Variants in DDX60L observed in about 807,000 individuals in gnomAD.
DDX60L encodes the protein probable ATP-dependent RNA helicase DDX60-like.
In DDX60L, 191 loss-of-function variants were observed where a neutral mutation model predicts 211.6. The observed-to-expected ratio is 0.90, with a 90% CI of 0.80 to 1.02. The LOEUF is 1.02. Among genes scored for constraint, DDX60L ranks in the 50% least tolerant of loss-of-function variants. The pLI is 0.00. For synonymous variants in DDX60L, 706 were observed against 694.1 expected, an observed-to-expected ratio of 1.02 and a Z score of -0.27; for missense variants, 2,007 against 1,984.1, an observed-to-expected ratio of 1.01 and a Z score of -0.22.
At position 168,406,546 on chromosome 4, in the gene DDX60L, T is replaced by C. The variant is rs147623776; in HGVS notation, c.3084+56A>G. The stretch of plus-strand genomic sequence containing the variant: ...TTACCTGTAGAGTAATTTTGCTATA[T>C]TCTGGAATAGCATTAACTAAAGTTC... On this transcript the variant is annotated intron_variant, in intron 23 of 37. Transcript: ENST00000682922. 948 of 1,306,578 alleles carry C rather than the reference T, an allele frequency of 7.3e-4. 1 individual carries two copies. Among genetic ancestry groups the C allele is most frequent in the Non-Finnish European group, 9.2e-4 (857 of 929,486 alleles). The allele number at this position is 1,306,578 out of a possible 1,614,324, so 80.9% of individuals were successfully genotyped here.
intron 30 of DDX60L, among the ~76,000 whole-genome samples, chr4:168,381,810 T>C (rs948982675): frequency 6.6e-6 from 1 of 152,110 alleles, no homozygotes; most frequent in Non-Finnish European, 1.5e-5. Flanking sequence ...CCAGGTTAAA[T>C]TGTCCTTACT....
intron 9 of DDX60L, among the ~76,000 whole-genome samples, chr4:168,446,348 G>A (rs1754791803): frequency 6.6e-6 from 1 of 152,112 alleles, no homozygotes; most frequent in Non-Finnish European, 1.5e-5. Flanking sequence ...TCTTCAAGGA[G>A]AACTACAAAC....
intron 37 of DDX60L, 78 bp from the exon 38 acceptor site, chr4:168,358,354 G>T: frequency 9.1e-7 from 1 of 1,096,682 alleles, no homozygotes. Context: ...AAGGTTAGCA[G>T]AAGTAATTCC....
rs1180773279 is a variant in DDX60L at position 168,427,050 on chromosome 4, T to C, written c.1930+20A>G. 6.3e-7 allele frequency: 1 copy of C among 1,582,060 alleles called. No homozygotes were observed. Among genetic ancestry groups the C allele is most frequent in the East Asian group, 2.3e-5 (1 of 44,366 alleles). On this transcript the variant is annotated intron_variant, in intron 14 of 37. Coordinates refer to ENST00000682922, the MANE Select transcript of DDX60L (RefSeq NM_001012967.3). Reference sequence around the variant, plus strand: ...TATTTTCATCACTACTCTTTATCCATAGAGTATGGAGTCCCATACCTTCAC... The same window carrying C: ...TATTTTCATCACTACTCTTTATCCACAGAGTATGGAGTCCCATACCTTCAC...
At chr4:168,397,679 T>C (rs1168036222) in intron 26 of DDX60L, among the ~76,000 whole-genome samples, 1 of 152,190 alleles carries the variant, frequency 6.6e-6, no homozygotes, top group African/African-American at 2.4e-5. Context: ...GAACTTTGTA[T>C]GTACGACAAT....
chr4:168,433,246 T>G lies in DDX60L; in HGVS notation c.1295-131A>C, dbSNP rs1393568656. The G allele has an allele frequency of 1.1e-5, 7 of 614,296 alleles. No individual in the cohort carries two copies. The East Asian group carries it at 2.0e-4, about 18-fold the overall frequency. The allele number at this position is 614,296 out of a possible 1,614,324, so 38.1% of individuals were successfully genotyped here. ...TTACTAATGTTTACCAAGTTAGAGCTTCCAAATGAGATATTCCTCAAAGCA... is the reference window on the plus strand; with the variant it reads ...TTACTAATGTTTACCAAGTTAGAGCGTCCAAATGAGATATTCCTCAAAGCA... On this transcript the variant is annotated intron_variant, in intron 10 of 37. Coordinates refer to ENST00000682922, the MANE Select transcript of DDX60L (RefSeq NM_001012967.3).
At chr4:168,453,369 CAA>C in intron 7 of DDX60L, 87 bp from the exon 8 acceptor site, 1 of 1,339,538 alleles carries the variant, frequency 7.5e-7, no homozygotes, top group Non-Finnish European at 1.0e-6. Context: ...ATCATATCTT[CAA>C]AGTTTTACAT....
chr4:168,429,823 G>A (rs1451321110), intron 13 of DDX60L, among the ~76,000 whole-genome samples: 1 of 152,190 alleles, frequency 6.6e-6, no homozygotes, highest in African/African-American at 2.4e-5. Context: ...TTGTTTAAAA[G>A]TATGTAGCAC....
At chr4:168,402,425 TAA>T (rs1302320964) in intron 25 of DDX60L, among the ~76,000 whole-genome samples, 2 of 143,080 alleles carry the variant, frequency 1.4e-5, no homozygotes, top group Non-Finnish European at 1.5e-5. Flanking sequence ...GAGTCCAGTG[TAA>T]AAAAAAAAAA....
chr4:168,368,477 G>T (rs532598541), intron 36 of DDX60L, among the ~76,000 whole-genome samples: 94 of 152,368 alleles, frequency 6.2e-4, no homozygotes, highest in African/African-American at 2.2e-3. Context: ...CAGGAGCAGG[G>T]CCCCCATGGA....
chr4:168,419,657 ACAAT>A lies in DDX60L; in HGVS notation c.2515-264_2515-261del, dbSNP rs377603923. Among the ~76,000 whole-genome samples, 249 of 152,328 alleles carry A rather than the reference ACAAT, an allele frequency of 1.6e-3. 6 individuals are homozygous for A. The South Asian group carries it at 0.049, about 30-fold the overall frequency. The stretch of plus-strand genomic sequence containing the variant: ...CTACTTTGTGAATTCAATAAGGGAG[ACAAT>A]CTATCTTAATCTATGATTTACCTAT... On this transcript the variant is annotated intron_variant, in intron 18 of 37. Transcript: ENST00000682922.
chr4:168,406,709 G>A lies in DDX60L; in HGVS notation c.2980-3C>T, dbSNP rs544760046. The A allele has an allele frequency of 1.2e-4, 185 of 1,554,588 alleles. 5 individuals carry two copies. In the South Asian group the frequency reaches 2.1e-3, roughly 17 times the overall value. Reference sequence around the variant, plus strand: ...GGTGGGAATCCATACTTTTCAATCTGTGAATAAACAAATTAATGGATGGAT... The same window carrying A: ...GGTGGGAATCCATACTTTTCAATCTATGAATAAACAAATTAATGGATGGAT... On this transcript the variant is annotated splice_polypyrimidine_tract_variant and splice_region_variant and intron_variant, in intron 22 of 37. Transcript: ENST00000682922.
chr4:168,395,355 T>C, intron 27 of DDX60L, among the ~76,000 whole-genome samples: 1 of 152,222 alleles, frequency 6.6e-6, no homozygotes, highest in South Asian at 2.1e-4. Context: ...CCTTATTTTA[T>C]TAACGAATAA....
chr4:168,431,413 C>T (rs1328376803), intron 12 of DDX60L, among the ~76,000 whole-genome samples: 1 of 152,148 alleles, frequency 6.6e-6, no homozygotes, highest in East Asian at 1.9e-4. Context: ...TTCGTAGACA[C>T]TTACATAAAT....
intron 29 of DDX60L, among the ~76,000 whole-genome samples, chr4:168,389,454 T>C (rs1744432870): frequency 6.6e-6 from 1 of 152,212 alleles, no homozygotes; most frequent in Non-Finnish European, 1.5e-5. Context: ...TATTACCTGC[T>C]GTGCTAGGAA....
rs754105623 is a variant in DDX60L at position 168,472,700 on chromosome 4, C to A, written c.-1G>T. 3 of 1,613,252 alleles carry A rather than the reference C, an allele frequency of 1.9e-6. No individual in the cohort carries two copies. The highest frequency in any genetic ancestry group is 3.3e-5 in the Admixed American group (2 of 59,924). On this transcript the variant is annotated 5_prime_UTR_variant, in exon 2 of 38. Transcript: ENST00000682922. ...ATATCAAAGATTGAGAATTACCCAT[C>A]GTTGCTGCTTCTTGGGCTACAGGGT...
intron 5 of DDX60L, 51 bp downstream of exon 5, chr4:168,461,648 G>C (rs1757330897): frequency 1.6e-6 from 2 of 1,277,286 alleles, no homozygotes; most frequent in Non-Finnish European, 2.1e-6. Flanking sequence ...TAGTGATTTT[G>C]AGAATTAAAA....
chr4:168,466,401 G>C (rs1255066945), intron 4 of DDX60L, among the ~76,000 whole-genome samples: 1 of 152,118 alleles, frequency 6.6e-6, no homozygotes, highest in Non-Finnish European at 1.5e-5. Flanking sequence ...GTGAGGCTTT[G>C]TCACATACAG....
intron 15 of DDX60L, among the ~76,000 whole-genome samples, 166 bp downstream of exon 15, chr4:168,423,442 G>A (rs533753420): frequency 7.2e-5 from 11 of 152,178 alleles, no homozygotes; most frequent in Non-Finnish European, 1.3e-4. Context: ...TTGGCAGCTA[G>A]GTTATTAATA....
Sources: allele counts gnomAD v4.1 joint callset (sites outside exome capture counted in the v4.1 genomes callset), GRCh38; gene constraint gnomAD v4.1.1; transcripts MANE v1.5; gene names NCBI Gene and HGNC (gene_info 2026-07-23, HGNC 2026-07-21).